Variants in ZFAT observed in about 807,000 individuals in gnomAD.
The protein encoded by ZFAT is zinc finger and AT-hook domain containing, also known as zinc finger protein ZFAT.
Under a neutral mutation model 117.7 loss-of-function variants are expected in ZFAT, and 64 were observed. The ratio of observed to expected loss-of-function variants is 0.54; its 90% CI spans 0.44 to 0.67. The LOEUF (loss-of-function observed/expected upper bound fraction) is 0.67, where lower values mean the gene tolerates loss of function less well. Among genes scored for constraint, ZFAT ranks in the 30% least tolerant of loss-of-function variants. ZFAT has a pLI of 0.00. For missense variants in ZFAT, 1,433 were observed against 1,584.5 expected (o/e 0.90, Z 1.62); for synonymous variants, 679 against 615.0 (o/e 1.10, Z -1.54).
chr8:134,570,696 C>T (rs1289375538), intron 10 of ZFAT, among the ~76,000 whole-genome samples: 1 of 152,140 alleles, frequency 6.6e-6, no homozygotes, highest in Non-Finnish European at 1.5e-5. Flanking sequence ...CCCTTTCTCC[C>T]CTCCTCATAA....
At chr8:134,748,178 T>A in the ZFAT span, among the ~76,000 whole-genome samples, 2 of 152,156 alleles carry the variant, frequency 1.3e-5, no homozygotes, top group Admixed American at 6.5e-5. Context: ...AACAGAACAT[T>A]AAGAGCAACA....
the ZFAT span, among the ~76,000 whole-genome samples, chr8:134,758,697 C>T: frequency 3.3e-5 from 5 of 152,366 alleles, no homozygotes; most frequent in Admixed American, 6.5e-5. Context: ...AACTTATCAG[C>T]GAATGTGTTC....
intron 5 of ZFAT, among the ~76,000 whole-genome samples, chr8:134,606,337 A>G (rs1172312251): frequency 1.3e-5 from 2 of 152,372 alleles, no homozygotes; most frequent in East Asian, 1.9e-4. Flanking sequence ...CTATATCCTC[A>G]TGAAGTTATG....
intron 10 of ZFAT, among the ~76,000 whole-genome samples, chr8:134,570,149 G>A (rs1482419625): frequency 1.3e-5 from 2 of 152,086 alleles, no homozygotes; most frequent in Non-Finnish European, 2.9e-5. Context: ...CCAGAGCCCG[G>A]GGTGTCCATC....
chr8:134,738,614 A>G, the ZFAT span, among the ~76,000 whole-genome samples: 1 of 152,278 alleles, frequency 6.6e-6, no homozygotes, highest in Admixed American at 6.5e-5. Context: ...AATCAATGCC[A>G]TGAAGGAGGT....
chr8:134,771,131 C>T, the ZFAT span, among the ~76,000 whole-genome samples: 1 of 152,216 alleles, frequency 6.6e-6, no homozygotes, highest in Non-Finnish European at 1.5e-5. Context: ...CACTCCCTCC[C>T]CTTTTGAAAA....
chr8:134,755,437 G>A, the ZFAT span, among the ~76,000 whole-genome samples: 7 of 151,368 alleles, frequency 4.6e-5, no homozygotes, highest in Admixed American at 6.6e-5. Context: ...AGCTTTTAGG[G>A]TGTAAGTGGT....
At chr8:134,797,886 A>C in the ZFAT span, 4 of 151,972 alleles carry the variant, frequency 2.6e-5, no homozygotes, top group Admixed American at 2.0e-4. Flanking sequence ...GAATATTTCT[A>C]GATTTAAAAA....
At chr8:134,735,810 C>T in the ZFAT span, among the ~76,000 whole-genome samples, 1 of 152,152 alleles carries the variant, frequency 6.6e-6, no homozygotes. Context: ...GCAAAGCTGA[C>T]CCTATGAGCC....
intron 15 of ZFAT, among the ~76,000 whole-genome samples, chr8:134,500,476 T>C (rs185594553): frequency 1.6e-4 from 24 of 152,338 alleles, no homozygotes; most frequent in African/African-American, 5.5e-4. Flanking sequence ...TTGTTCTCTA[T>C]GTTTTCAGAC....
intron 3 of ZFAT, among the ~76,000 whole-genome samples, chr8:134,629,324 G>C (rs1829729028): frequency 6.6e-6 from 1 of 152,150 alleles, no homozygotes; most frequent in East Asian, 1.9e-4. Flanking sequence ...TGAGAACACA[G>C]CTGGTGGTGA....
chr8:134,488,082 T>C (rs2130095420), intron 15 of ZFAT, among the ~76,000 whole-genome samples: 1 of 152,178 alleles, frequency 6.6e-6, no homozygotes, highest in South Asian at 2.1e-4. Flanking sequence ...AAGCCCCAAG[T>C]AGGGTAGCTC....
intron 2 of ZFAT, among the ~76,000 whole-genome samples, chr8:134,653,287 A>AAAAAAT (rs1168663073): frequency 1.0e-4 from 12 of 116,172 alleles, no homozygotes; most frequent in Non-Finnish European, 1.6e-4. Flanking sequence ...AAAAAAAAAA[A>AAAAAAT]AAAACAAAAA....
intron 13 of ZFAT, among the ~76,000 whole-genome samples, chr8:134,516,508 GGTTTT>G (rs1269165036): frequency 1.3e-5 from 2 of 152,076 alleles, no homozygotes; most frequent in Admixed American, 6.6e-5. Flanking sequence ...GTTTACATAG[GGTTTT>G]GTTTTGTTCT....
At chr8:134,719,078 C>A in the ZFAT span, among the ~76,000 whole-genome samples, 3 of 152,192 alleles carry the variant, frequency 2.0e-5, no homozygotes, top group African/African-American at 7.2e-5. Flanking sequence ...GGAAAGAAAC[C>A]GGCTAGAGCA....
At chr8:134,668,608 A>G (rs1310592535) in intron 1 of ZFAT, among the ~76,000 whole-genome samples, 1 of 152,252 alleles carries the variant, frequency 6.6e-6, no homozygotes, top group Non-Finnish European at 1.5e-5. Context: ...TCTGTACGTC[A>G]CCATCATCAA....
chr8:134,540,386 T>C (rs890796455), intron 11 of ZFAT, among the ~76,000 whole-genome samples: 1 of 152,238 alleles, frequency 6.6e-6, no homozygotes, highest in African/African-American at 2.4e-5. Context: ...GTTCACATAT[T>C]TTTATTCCCC....
Position 134,620,141 on chromosome 8 carries a change from G to A in ZFAT, c.449-9486C>T, listed in dbSNP as rs1020936520. On this transcript the variant is annotated intron_variant, in intron 3 of 15. Coordinates refer to ENST00000377838, the MANE Select transcript of ZFAT (RefSeq NM_020863.4). The stretch of plus-strand genomic sequence containing the variant: ...AAAAGGCATTTTTGCTTTCACCACA[G>A]GCAGAGGTGTGAAAGGCTTACAGGA... 6.6e-5 allele frequency among the ~76,000 whole-genome samples: 10 copies of A among 152,306 alleles called. No individual in the cohort carries two copies. The East Asian group carries it at 1.7e-3, about 26-fold the overall frequency.
At chr8:134,777,342 C>A in the ZFAT span, among the ~76,000 whole-genome samples, 1 of 152,176 alleles carries the variant, frequency 6.6e-6, no homozygotes, top group Non-Finnish European at 1.5e-5. Context: ...CAGTGCACTT[C>A]TTCTTGCTTC....
Sources: gnomAD v4.1 joint callset for allele counts (sites outside exome capture counted in the v4.1 genomes callset) on GRCh38, gnomAD v4.1.1 for gene constraint, MANE v1.5 for transcripts, NCBI Gene and HGNC (gene_info 2026-07-23, HGNC 2026-07-21) for gene names.